CAMTA1: variants seen among roughly 807,000 people sequenced by gnomAD.
The protein encoded by CAMTA1 is calmodulin binding transcription activator 1, also known as calmodulin-binding transcription activator 1.
CAMTA1 carries 27 observed loss-of-function variants against 170.9 expected under a neutral mutation model. That is an observed-to-expected ratio of 0.16 (90% CI 0.12 to 0.22). CAMTA1 has a LOEUF of 0.22. CAMTA1 is among the 10% of genes least tolerant of loss of function. The pLI is 1.00. For missense variants in CAMTA1, 1,619 were observed against 2,217.2 expected (o/e 0.73, Z 5.42); for synonymous variants, 833 against 891.5 (o/e 0.93, Z 1.17).
intron 4 of CAMTA1, among the ~76,000 whole-genome samples, chr1:7,189,161 G>T (rs114743469): frequency 0.012 from 1,823 of 152,216 alleles, 36 homozygotes; most frequent in African/African-American, 0.042. Context: ...GCACAAAGTT[G>T]TACATAAAAT....
intron 5 of CAMTA1, among the ~76,000 whole-genome samples, chr1:7,415,278 C>T (rs1483478452): frequency 2.0e-5 from 3 of 151,320 alleles, no homozygotes; most frequent in Admixed American, 1.3e-4. Context: ...ATTAGGTCTG[C>T]TTGGTGCAGA....
At chr1:6,941,648 G>C (rs1686648760) in intron 3 of CAMTA1, among the ~76,000 whole-genome samples, 1 of 152,218 alleles carries the variant, frequency 6.6e-6, no homozygotes, top group Admixed American at 6.5e-5. Flanking sequence ...CACACCTCAG[G>C]GTGTCCCCTG....
chr1:7,462,798 T>C (rs2093121990), intron 5 of CAMTA1, among the ~76,000 whole-genome samples: 1 of 151,974 alleles, frequency 6.6e-6, no homozygotes, highest in Non-Finnish European at 1.5e-5. Flanking sequence ...ACACATCTGC[T>C]CTCTGACTCT....
intron 3 of CAMTA1, among the ~76,000 whole-genome samples, chr1:6,939,748 C>A (rs950707934): frequency 6.6e-6 from 1 of 152,236 alleles, no homozygotes; most frequent in African/African-American, 2.4e-5. Context: ...AAGCAAACCC[C>A]GGTCACCCTT....
rs1230077719 is a variant in CAMTA1, at chr1:7,562,342, G to A, written c.511-78058G>A. 1.3e-5 allele frequency among the ~76,000 whole-genome samples: 2 copies of A among 152,228 alleles called. No homozygotes were observed. Among genetic ancestry groups the A allele is most frequent in the Non-Finnish European group, 2.9e-5 (2 of 68,038 alleles). On this transcript the variant is annotated intron_variant, in intron 6 of 22. Transcript: ENST00000303635. The surrounding 1 kb of genome is among the most constrained non-coding windows in gnomAD (Gnocchi z 4.8). ...TGTTTAATTCGGTGCTTCCTGCATC[G>A]TTGGGCAGTGTAACTCAGTTGGGTA...
intron 5 of CAMTA1, among the ~76,000 whole-genome samples, chr1:7,279,959 C>T (rs748895925): frequency 2.6e-4 from 40 of 152,204 alleles, no homozygotes; most frequent in Non-Finnish European, 4.7e-4. Flanking sequence ...AGGGAGTGGC[C>T]TCTATGCCAG....
intron 6 of CAMTA1, among the ~76,000 whole-genome samples, chr1:7,513,157 G>A (rs1054857798): frequency 6.6e-6 from 1 of 152,122 alleles, no homozygotes; most frequent in African/African-American, 2.4e-5. Context: ...GAGGTGATGC[G>A]GACCTCCAGG....
chr1:6,840,030 A>G (rs1395022203), intron 3 of CAMTA1, among the ~76,000 whole-genome samples: 1 of 152,080 alleles, frequency 6.6e-6, no homozygotes, highest in Non-Finnish European at 1.5e-5. Context: ...ATGAAACCCC[A>G]TCTCTACTAA....
intron 11 of CAMTA1, among the ~76,000 whole-genome samples, chr1:7,703,608 T>C (rs2096466373): frequency 1.3e-5 from 2 of 152,146 alleles, no homozygotes; most frequent in Admixed American, 6.5e-5. Context: ...GAAAAGAGAC[T>C]CCGCCCCCAA....
intron 4 of CAMTA1, among the ~76,000 whole-genome samples, chr1:7,169,481 AG>A (rs1649163337): frequency 1.3e-5 from 2 of 151,886 alleles, no homozygotes; most frequent in Admixed American, 1.3e-4. Flanking sequence ...GGTTTAGATA[AG>A]TTTTTTTAAT....
At chr1:7,440,122 G>A (rs2185789) in intron 5 of CAMTA1, among the ~76,000 whole-genome samples, 41,488 of 152,262 alleles carry the variant, frequency 0.27, 6,360 homozygotes, top group South Asian at 0.41. Flanking sequence ...CACTGGCCCC[G>A]TGGCATAGGC....
At chr1:7,264,192 A>G (rs987261431) in intron 5 of CAMTA1, among the ~76,000 whole-genome samples, 5 of 152,098 alleles carry the variant, frequency 3.3e-5, no homozygotes, top group Non-Finnish European at 7.3e-5. Flanking sequence ...TGCCCTGGGG[A>G]TTCTGATTCA....
Position 7,251,078 on chromosome 1 carries a change from G to A in CAMTA1, c.438+1452G>A, listed in dbSNP as rs577716318. On this transcript the variant is annotated intron_variant, in intron 5 of 22. Transcript: ENST00000303635. This position sits in a 1 kb window ranked among gnomAD's most constrained non-coding sequence, Gnocchi z 5.1. The stretch of plus-strand genomic sequence containing the variant: ...CCCGAACAACGAGGCTGCTCGCACC[G>A]GGAGTAATAGGGCTGCGGGAATTCA... 3.3e-5 allele frequency among the ~76,000 whole-genome samples: 5 copies of A among 152,306 alleles called. No individual in the cohort carries two copies. The highest frequency in any genetic ancestry group is 2.1e-4 in the South Asian group (1 of 4,834).
At chr1:7,401,851 A>G (rs1327692360) in intron 5 of CAMTA1, among the ~76,000 whole-genome samples, 1 of 152,120 alleles carries the variant, frequency 6.6e-6, no homozygotes, top group Non-Finnish European at 1.5e-5. Flanking sequence ...TTATGGCTCC[A>G]CATCCAGCTC....
intron 3 of CAMTA1, among the ~76,000 whole-genome samples, chr1:6,902,513 C>T (rs997017294): frequency 6.6e-6 from 1 of 152,184 alleles, no homozygotes; most frequent in African/African-American, 2.4e-5. Flanking sequence ...GGGAAGAAAA[C>T]ATCAGTGGTT....
chr1:7,016,853 G>A (rs937826442), intron 3 of CAMTA1, among the ~76,000 whole-genome samples: 1 of 151,906 alleles, frequency 6.6e-6, no homozygotes, highest in Non-Finnish European at 1.5e-5. Context: ...AAAAAAAAAG[G>A]AAAAGAAAAA....
intron 3 of CAMTA1, among the ~76,000 whole-genome samples, chr1:6,995,847 C>T (rs1041444989): frequency 3.3e-5 from 5 of 152,072 alleles, no homozygotes; most frequent in African/African-American, 1.2e-4. Flanking sequence ...AGGGCAAGGC[C>T]AGGCCAGGCA....
chr1:7,610,351 C>T (rs1347614136), intron 6 of CAMTA1, among the ~76,000 whole-genome samples: 1 of 152,194 alleles, frequency 6.6e-6, no homozygotes, highest in Admixed American at 6.5e-5. Flanking sequence ...CTGCCTGGCT[C>T]CTGCACATTG....
intron 6 of CAMTA1, among the ~76,000 whole-genome samples, chr1:7,481,374 G>A (rs1341560536): frequency 1.3e-5 from 2 of 152,234 alleles, no homozygotes; most frequent in African/African-American, 4.8e-5. Flanking sequence ...TCCTCAAAGA[G>A]TCAGGTCCTT....
Sources: allele counts gnomAD v4.1 joint callset (sites outside exome capture counted in the v4.1 genomes callset), GRCh38; gene constraint gnomAD v4.1.1; non-coding constraint Gnocchi (gnomAD v3.1); transcripts MANE v1.5; gene names NCBI Gene and HGNC (gene_info 2026-07-23, HGNC 2026-07-21).